ZNF365: variants seen among roughly 807,000 people sequenced by gnomAD.
ZNF365 encodes the protein protein ZNF365.
In ZNF365, 22 loss-of-function variants were observed where a neutral mutation model predicts 35.0. The ratio of observed to expected loss-of-function variants is 0.63; its 90% CI spans 0.45 to 0.90. ZNF365 has a LOEUF of 0.90. ZNF365 is among the 40% of genes least tolerant of loss of function. ZNF365 has a pLI of 0.00. For missense variants in ZNF365, 448 were observed against 500.3 expected, an observed-to-expected ratio of 0.90 and a Z score of 1.00; for synonymous variants, 188 against 196.2, an observed-to-expected ratio of 0.96 and a Z score of 0.35.
At chr10:62,405,215 ATTGGCAATG>A (rs1256027419), downstream of ZNF365, among the ~76,000 whole-genome samples, 4 of 152,200 alleles carry the variant, frequency 2.6e-5, no homozygotes, top group Non-Finnish European at 5.9e-5. Context: ...TGGAAGATAA[ATTGGCAATG>A]TTGGACTTAG....
chr10:62,440,445 T>C (rs917234539), intron 3 of ZNF365, among the ~76,000 whole-genome samples: 1 of 152,174 alleles, frequency 6.6e-6, no homozygotes, highest in Non-Finnish European at 1.5e-5. Flanking sequence ...TGTTTCCTTC[T>C]TTGCATAAAA....
Position 62,399,929 on chromosome 10 carries a change from A to G in ZNF365, c.*140A>G, listed in dbSNP as rs1839799025. On this transcript the variant is annotated 3_prime_UTR_variant, in exon 5 of 5. Transcript: ENST00000395254. Reference sequence around the variant, plus strand: ...GGGCATAACACAGGCAAGCACCTCAATTAACCAGAGCTTAGCAAATGGGAA... The same window carrying G: ...GGGCATAACACAGGCAAGCACCTCAGTTAACCAGAGCTTAGCAAATGGGAA... The G allele has an allele frequency of 2.1e-6, 3 of 1,412,250 alleles. No individual in the cohort carries two copies. The highest frequency in any genetic ancestry group is 3.4e-5 in the South Asian group (2 of 58,368). The allele number at this position is 1,412,250 out of a possible 1,614,324, so 87.5% of individuals were successfully genotyped here.
chr10:62,384,884 T>G (rs1255786358), intron 2 of ZNF365, among the ~76,000 whole-genome samples: 1 of 152,252 alleles, frequency 6.6e-6, no homozygotes, highest in African/African-American at 2.4e-5. Flanking sequence ...AAATGCAATG[T>G]GTTTAACCCC....
chr10:62,466,198 C>G (rs1462582029), intron 4 of ZNF365, among the ~76,000 whole-genome samples: 6 of 152,340 alleles, frequency 3.9e-5, no homozygotes, highest in Non-Finnish European at 7.4e-5. Context: ...CTGTAACACC[C>G]TCTTTGGGGT....
chr10:62,399,712 C>T lies in ZNF365; in HGVS notation c.1147C>T (p.Leu383=). The T allele has an allele frequency of 6.2e-7, 1 of 1,614,098 alleles. No homozygotes were observed. The highest frequency in any genetic ancestry group is 8.5e-7 in the Non-Finnish European group (1 of 1,180,034). ...CAGACCTCCAAAGAAAGGGGAGCTC[C>T]TGGGGTTTGGCCGCAAAGGCAACAT... ...LCRPPKKGEL[L]GFGRKGNIRP... The change falls in exon 5 of 5, where the codon CTG becomes TTG. Residue 383 remains leucine, a synonymous_variant. Coordinates refer to ENST00000395254, the MANE Select transcript of ZNF365 (RefSeq NM_014951.3).
chr10:62,412,341 G>A (rs1839998878), intron 3 of ZNF365, among the ~76,000 whole-genome samples: 1 of 152,092 alleles, frequency 6.6e-6, no homozygotes, highest in Admixed American at 6.6e-5. Flanking sequence ...TACTGAATGG[G>A]CAAAAGCTGG....
intron 3 of ZNF365, among the ~76,000 whole-genome samples, chr10:62,418,213 A>T (rs1483486729): frequency 2.0e-5 from 3 of 152,036 alleles, no homozygotes; most frequent in African/African-American, 7.2e-5. Context: ...CCTGGTCAAT[A>T]TTTCTTTTTT....
chr10:62,478,280 C>T (rs867520777), intron 4 of ZNF365, among the ~76,000 whole-genome samples: 1 of 152,172 alleles, frequency 6.6e-6, no homozygotes, highest in African/African-American at 2.4e-5. Context: ...AAAGGGGACT[C>T]ACGACTGCCA....
intron 3 of ZNF365, among the ~76,000 whole-genome samples, chr10:62,438,763 A>G (rs1478867572): frequency 6.6e-6 from 1 of 152,150 alleles, no homozygotes; most frequent in Non-Finnish European, 1.5e-5. Context: ...AATCCTCATA[A>G]CTCAGCATTT....
chr10:62,474,359 ATTTAAG>A (rs1462031237), intron 4 of ZNF365, among the ~76,000 whole-genome samples: 1 of 152,134 alleles, frequency 6.6e-6, no homozygotes, highest in Admixed American at 6.6e-5. Context: ...AGTTGCTGAA[ATTTAAG>A]TTTTCTTACT....
At chr10:62,434,794 A>G (rs970215774) in intron 3 of ZNF365, among the ~76,000 whole-genome samples, 3 of 152,234 alleles carry the variant, frequency 2.0e-5, no homozygotes, top group Admixed American at 6.5e-5. Flanking sequence ...TCACAAAGTC[A>G]TCTGCTAACA....
chr10:62,465,952 C>T (rs575524783), intron 4 of ZNF365, among the ~76,000 whole-genome samples: 14 of 152,302 alleles, frequency 9.2e-5, no homozygotes, highest in African/African-American at 3.4e-4. Flanking sequence ...GCTTCACTTG[C>T]ACCCAGAAGC....
chr10:62,382,770 G>A (rs1482188410), intron 2 of ZNF365, among the ~76,000 whole-genome samples: 2 of 152,242 alleles, frequency 1.3e-5, no homozygotes, highest in Non-Finnish European at 2.9e-5. Context: ...CTCGGAGGTG[G>A]TCGACTCCTG....
intron 3 of ZNF365, among the ~76,000 whole-genome samples, chr10:62,426,535 T>G (rs1840252074): frequency 6.6e-6 from 1 of 152,138 alleles, no homozygotes; most frequent in African/African-American, 2.4e-5. Context: ...AAGTTTATTA[T>G]GCTCACAGGC....
rs982950134 is a variant in ZNF365, at chr10:62,376,803, C to G, written c.610C>G (p.Leu204Val). The G allele has an allele frequency of 1.9e-6, 3 of 1,614,192 alleles. No individual in the cohort carries two copies. The highest frequency in any genetic ancestry group is 2.5e-6 in the Non-Finnish European group (3 of 1,180,046). ...GGAAGTTCGGGCAGCTTTTGTGCAGCTGACTCAGAAAAAGCAGGAAGTTCA... is the reference window on the plus strand; with the variant it reads ...GGAAGTTCGGGCAGCTTTTGTGCAGGTGACTCAGAAAAAGCAGGAAGTTCA... ...LLEVRAAFVQ[L>V]TQKKQEVQRR... The change falls in exon 2 of 5, where the codon CTG (leucine) becomes GTG (valine). Residue 204 changes from leucine (L) to valine (V), a missense_variant. Leu to Val is a conservative substitution (Grantham distance 32). Transcript: ENST00000395254.
intron 3 of ZNF365, among the ~76,000 whole-genome samples, chr10:62,448,568 C>G (rs1180679502): frequency 1.3e-5 from 2 of 152,130 alleles, no homozygotes; most frequent in African/African-American, 2.4e-5. Flanking sequence ...TACTTGCACC[C>G]AGAATCCTAA....
intron 3 of ZNF365, among the ~76,000 whole-genome samples, chr10:62,409,911 A>G (rs1371153089): frequency 6.6e-6 from 1 of 152,108 alleles, no homozygotes; most frequent in Non-Finnish European, 1.5e-5. Flanking sequence ...CTGAACCATC[A>G]GGGCCAATCC....
chr10:62,384,854 G>A (rs1363513097), intron 2 of ZNF365, among the ~76,000 whole-genome samples: 1 of 152,174 alleles, frequency 6.6e-6, no homozygotes, highest in Non-Finnish European at 1.5e-5. Context: ...TGTTTGGAGT[G>A]TAATTATGAA....
At chr10:62,470,990 A>ATT (rs11297672) in intron 4 of ZNF365, among the ~76,000 whole-genome samples, 6 of 146,482 alleles carry the variant, frequency 4.1e-5, no homozygotes, top group African/African-American at 1.5e-4. Context: ...TTGTTCATGC[A>ATT]TTTTTTTTTT....
Sources: gnomAD v4.1 joint callset for allele counts (sites outside exome capture counted in the v4.1 genomes callset) on GRCh38, gnomAD v4.1.1 for gene constraint, MANE v1.5 for transcripts, NCBI Gene and HGNC (gene_info 2026-07-23, HGNC 2026-07-21) for gene names.